The following CD22 variants were observed in gnomAD, a reference collection of about 807,000 sequenced individuals.
CD22 encodes CD22 molecule.
A neutral mutation model predicts 94.7 loss-of-function variants in CD22; 51 were observed. That is an observed-to-expected ratio of 0.54 (90% CI 0.43 to 0.68). The LOEUF (loss-of-function observed/expected upper bound fraction) is 0.68, where lower values mean the gene tolerates loss of function less well. Among genes scored for constraint, CD22 ranks in the 30% least tolerant of loss-of-function variants. The pLI is 0.00. For missense variants in CD22, 931 were observed against 1,060.4 expected (o/e 0.88, Z 1.69); for synonymous variants, 424 against 422.5 (o/e 1.00, Z -0.04).
rs1426372127 is a variant in CD22 at position 35,332,797 on chromosome 19, G to A, written c.285G>A (p.Leu95=). The change falls in exon 3 of 14, where the codon CTG becomes CTA. Residue 95 remains leucine (L), a synonymous_variant. Transcript: ENST00000085219. ...VPSEQKRVQF[L]GDKNKNCTLS... ...CTGAGCAGAAAAGGGTGCAATTCCTGGGAGACAAGAATAAGAACTGCACAC... is the reference window on the plus strand; with the variant it reads ...CTGAGCAGAAAAGGGTGCAATTCCTAGGAGACAAGAATAAGAACTGCACAC... 1 of 1,614,198 alleles carries A rather than the reference G, an allele frequency of 6.2e-7. No homozygotes were observed. The highest frequency in any genetic ancestry group is 8.5e-7 in the Non-Finnish European group (1 of 1,180,026).
Position 35,340,978 on chromosome 19 carries a change from C to T in CD22, c.1347C>T (p.Pro449=), listed in dbSNP as rs771859129. Residue 449 remains proline, a synonymous_variant, in exon 7 of 14, where the codon CCC becomes CCT. Coordinates refer to ENST00000085219, the MANE Select transcript of CD22 (RefSeq NM_001771.4). ...CCTGTAACTACAATTCCAGTAACCC[C>T]AGTGTTACCCGGTATGAATGGAAAC... ...TLSCNYNSSN[P]SVTRYEWKPH... is the part of the protein sequence containing the mutation. The T allele has an allele frequency of 3.7e-6, 6 of 1,614,204 alleles. No individual in the cohort carries two copies. In the South Asian group the frequency reaches 6.6e-5, roughly 18 times the overall value.
At chr19:35,339,968 G>A (rs1331905670) in intron 6 of CD22, among the ~76,000 whole-genome samples, 1 of 152,136 alleles carries the variant, frequency 6.6e-6, no homozygotes, top group African/African-American at 2.4e-5. Flanking sequence ...AATGAGAACT[G>A]GGGCAAACTG....
At chr19:35,346,440 C>T (rs2066908907) in intron 13 of CD22, 126 bp from the exon 14 acceptor site, 10 of 1,349,932 alleles carry the variant, frequency 7.4e-6, no homozygotes, top group South Asian at 1.3e-5. Flanking sequence ...CAGCCAGTTT[C>T]CTGACACGAG....
rs985097892 is a variant in CD22, at chr19:35,329,300, G to A, written c.-23+70G>A. 1.3e-5 allele frequency: 13 copies of A among 1,012,244 alleles called. No individual in the cohort carries two copies. In the African/African-American group the frequency reaches 2.0e-4, roughly 15 times the overall value. The allele number at this position is 1,012,244 out of a possible 1,614,324, so 62.7% of individuals were successfully genotyped here. ...TTACGGAACAGCAGTTATGGGCCAG[G>A]CATACCTCCCAGAGCTGGGAACACA... is the stretch of plus-strand genomic sequence containing the variant. On this transcript the variant is annotated intron_variant, in intron 1 of 13. Transcript: ENST00000085219.
chr19:35,330,294 C>T (rs2066627699), intron 1 of CD22, among the ~76,000 whole-genome samples: 1 of 152,304 alleles, frequency 6.6e-6, no homozygotes, highest in South Asian at 2.1e-4. Flanking sequence ...TGAGATCACA[C>T]CACTGCACTT....
rs747383528 is a variant in CD22 at position 35,338,439 on chromosome 19, G to A, written c.1249+8G>A. On this transcript the variant is annotated splice_region_variant and intron_variant, in intron 6 of 13. Transcript: ENST00000085219. Reference sequence around the variant, plus strand: ...CTGAGCTGGATGTCCAGTGTGAGTAGCCACGGAGCCTCTGGTTCTAGGGAG... The same window carrying A: ...CTGAGCTGGATGTCCAGTGTGAGTAACCACGGAGCCTCTGGTTCTAGGGAG... 1 of 1,608,692 alleles carries A rather than the reference G, an allele frequency of 6.2e-7. No homozygotes were observed. The highest frequency in any genetic ancestry group is 8.5e-7 in the Non-Finnish European group (1 of 1,176,490).
At position 35,346,770 on chromosome 19, in the gene CD22, G is replaced by A. The variant is rs996557562; in HGVS notation, c.*73G>A. On this transcript the variant is annotated 3_prime_UTR_variant, in exon 14 of 14. Transcript: ENST00000085219. ...AAGTCCCCGAGTTTCCCCAGACACCGCCACATGGCTTCCTCCTGCGCGCAT... is the reference window on the plus strand; with the variant it reads ...AAGTCCCCGAGTTTCCCCAGACACCACCACATGGCTTCCTCCTGCGCGCAT... The A allele has an allele frequency of 7.1e-5, 101 of 1,429,564 alleles. No homozygotes were observed. The highest frequency in any genetic ancestry group is 1.1e-4 in the Admixed American group (5 of 44,854). 88.6% of individuals were successfully genotyped at this position (1,429,564 alleles called of 1,614,324 possible). A position where few individuals can be genotyped will look rare whatever the true frequency, so the allele number is the denominator to read the frequency against.
chr19:35,346,710 T>C lies in CD22; in HGVS notation c.*13T>C. ...CCTCAAACATTGACACTGGATGGGC[T>C]GCAGCAGAGGCACTGGGGGCAGCGG... is the stretch of plus-strand genomic sequence containing the variant. On this transcript the variant is annotated 3_prime_UTR_variant, in exon 14 of 14. Transcript: ENST00000085219. The C allele has an allele frequency of 6.3e-7, 1 of 1,595,592 alleles. No homozygotes were observed. The highest frequency in any genetic ancestry group is 8.6e-7 in the Non-Finnish European group (1 of 1,168,728).
chr19:35,336,322 G>A lies in CD22; in HGVS notation c.699G>A (p.Thr233=), dbSNP rs775663632. The change falls in exon 4 of 14, where the codon ACG becomes ACA. Residue 233 remains threonine (T), a synonymous_variant. Transcript: ENST00000085219. The part of the protein sequence containing the change: ...DADGKFLSND[T]VQLNVKHTPK... ...ATGGGAAGTTCCTCTCCAATGACAC[G>A]GTGCAGCTGAACGTGAAGCGTGAGT... is the stretch of plus-strand genomic sequence containing the variant. The A allele has an allele frequency of 1.3e-5, 21 of 1,613,920 alleles. No homozygotes were observed. The highest frequency in any genetic ancestry group is 4.5e-5 in the East Asian group (2 of 44,882).
chr19:35,336,913 G>T (rs564092005), intron 4 of CD22, among the ~76,000 whole-genome samples: 2 of 152,350 alleles, frequency 1.3e-5, no homozygotes, highest in East Asian at 3.9e-4. Context: ...AAGGCCGAGA[G>T]AGGGGAGTGA....
rs954180465 is a variant in CD22, at chr19:35,341,781, G to A, written c.1851G>A (p.Glu617=). ...GGAAGAGTGCAACCCTGACCTGTGA[G>A]AGCGACGCCAACCCTCCCGTCTCCC... ...MEGKSATLTC[E]SDANPPVSHY... is the part of the protein sequence containing the mutation. The change falls in exon 9 of 14, where the codon GAG becomes GAA. Residue 617 remains glutamate, a synonymous_variant. Coordinates refer to ENST00000085219, the MANE Select transcript of CD22 (RefSeq NM_001771.4). The surrounding 1 kb of genome is among the most constrained non-coding windows in gnomAD (Gnocchi z 4.0). 2 of 1,613,008 alleles carry A rather than the reference G, an allele frequency of 1.2e-6. No homozygotes were observed. The highest frequency in any genetic ancestry group is 1.1e-5 in the South Asian group (1 of 91,080).
At chr19:35,336,405 A>G in intron 4 of CD22, 64 bp downstream of exon 4, 1 of 1,490,542 alleles carries the variant, frequency 6.7e-7, no homozygotes, top group Non-Finnish European at 9.2e-7. Flanking sequence ...CCAGCCCCGC[A>G]GGGGGCATGC....
At position 35,331,966 on chromosome 19, in the gene CD22, C is replaced by A. The variant is rs111253685; in HGVS notation, c.-22-53C>A. 20 of 1,612,474 alleles carry A rather than the reference C, an allele frequency of 1.2e-5. No homozygotes were observed. In the African/African-American group the frequency reaches 2.0e-4, roughly 16 times the overall value. On this transcript the variant is annotated intron_variant, in intron 1 of 13. Coordinates refer to ENST00000085219, the MANE Select transcript of CD22 (RefSeq NM_001771.4). ...CTCAGTGGGTGAGCAAGAAAAGCCA[C>A]GTGGAAGAAGTAAGCGGCCAGATGG...
At position 35,333,636 on chromosome 19, in the gene CD22, C is replaced by T. The variant is rs550803599; in HGVS notation, c.412+712C>T. 2.6e-5 allele frequency among the ~76,000 whole-genome samples: 4 copies of T among 152,300 alleles called. No homozygotes were observed. The South Asian group carries it at 8.3e-4, about 32-fold the overall frequency. ...GCAGTGGCGCGATCTCAGCTCACTG[C>T]AGCCTTGATCTCCCGGGTTCAAGCA... On this transcript the variant is annotated intron_variant, in intron 3 of 13. Transcript: ENST00000085219.
intron 11 of CD22, 112 bp downstream of exon 11, chr19:35,345,238 T>C: frequency 1.2e-6 from 1 of 861,984 alleles, no homozygotes; most frequent in Non-Finnish European, 1.9e-6. Flanking sequence ...GCCAACATGG[T>C]GAAACCCTGT....
intron 9 of CD22, among the ~76,000 whole-genome samples, chr19:35,342,287 A>T (rs2066827669): frequency 6.6e-6 from 1 of 151,902 alleles, no homozygotes; most frequent in Non-Finnish European, 1.5e-5. Context: ...CTTTCGCCTC[A>T]GCCTCCTGAG....
Position 35,331,954 on chromosome 19 carries a change from C to T in CD22, c.-22-65C>T. On this transcript the variant is annotated intron_variant, in intron 1 of 13. Coordinates refer to ENST00000085219, the MANE Select transcript of CD22 (RefSeq NM_001771.4). Reference sequence around the variant, plus strand: ...GAAGGGTCGGAGCTCAGTGGGTGAGCAAGAAAAGCCACGTGGAAGAAGTAA... The same window carrying T: ...GAAGGGTCGGAGCTCAGTGGGTGAGTAAGAAAAGCCACGTGGAAGAAGTAA... The T allele has an allele frequency of 9.9e-6, 16 of 1,610,502 alleles. No homozygotes were observed. In the South Asian group the frequency reaches 1.7e-4, roughly 17 times the overall value.
Position 35,340,974 on chromosome 19 carries a change from A to G in CD22, c.1343A>G (p.Asn448Ser), listed in dbSNP as rs778886530. Reference protein sequence around the residue: ...VTLSCNYNSSNPSVTRYEWKP... With the variant: ...VTLSCNYNSSSPSVTRYEWKP... ...CTTTCCTGTAACTACAATTCCAGTAACCCCAGTGTTACCCGGTATGAATGG... is the reference window on the plus strand; with the variant it reads ...CTTTCCTGTAACTACAATTCCAGTAGCCCCAGTGTTACCCGGTATGAATGG... Residue 448 changes from asparagine to serine, a missense_variant, in exon 7 of 14, where the codon AAC becomes AGC. Coordinates refer to ENST00000085219, the MANE Select transcript of CD22 (RefSeq NM_001771.4). The G allele has an allele frequency of 3.7e-6, 6 of 1,613,980 alleles. No individual in the cohort carries two copies. In the African/African-American group the frequency reaches 5.3e-5, roughly 14 times the overall value.
At chr19:35,343,901 C>T (rs1265258849) in intron 9 of CD22, among the ~76,000 whole-genome samples, 5 of 152,082 alleles carry the variant, frequency 3.3e-5, no homozygotes, top group African/African-American at 7.2e-5. Context: ...CAGTGGCTCA[C>T]GCCTGTAATC....
Sources: allele counts gnomAD v4.1 joint callset (sites outside exome capture counted in the v4.1 genomes callset), GRCh38; gene constraint gnomAD v4.1.1; non-coding constraint Gnocchi (gnomAD v3.1); transcripts MANE v1.5; gene names NCBI Gene and HGNC (gene_info 2026-07-23, HGNC 2026-07-21).